SOCS6: variants seen among roughly 807,000 people sequenced by gnomAD.
SOCS6 encodes STAT induced STAT inhibitor-4.
SOCS6 carries 5 observed loss-of-function variants against 27.7 expected under a neutral mutation model. The ratio of observed to expected loss-of-function variants is 0.18; its 90% confidence interval spans 0.09 to 0.38. The LOEUF is 0.38. SOCS6 is among the 10% of genes least tolerant of loss of function. The pLI is 1.00. For missense variants in SOCS6, 595 were observed against 688.1 expected, an observed-to-expected ratio of 0.86 and a Z score of 1.51; for synonymous variants, 271 against 260.0, an observed-to-expected ratio of 1.04 and a Z score of -0.41.
chr18:70,320,208 C>T (rs757815846), intron 1 of SOCS6, among the ~76,000 whole-genome samples: 10 of 152,048 alleles, frequency 6.6e-5, no homozygotes, highest in African/African-American at 1.2e-4. Context: ...AGGCTGGTCT[C>T]GAACTCCTGG....
At chr18:70,318,952 GAA>G (rs1235370532) in intron 1 of SOCS6, among the ~76,000 whole-genome samples, 1 of 151,370 alleles carries the variant, frequency 6.6e-6, no homozygotes, top group Non-Finnish European at 1.5e-5. Flanking sequence ...AAAAAGAAAA[GAA>G]AAGAAAAAAG....
In SOCS6 at chr18:70,325,113, A is replaced by G. The variant is rs1338548221; in HGVS notation, c.445A>G (p.Ile149Val). The G allele has an allele frequency of 6.2e-7, 1 of 1,614,124 alleles. No homozygotes were observed. Among genetic ancestry groups the G allele is most frequent in the East Asian group, 2.2e-5 (1 of 44,880 alleles). ...GCCCACAAACTCCGAGGAGACCTGC[A>G]TCAAGATGGAGGTGAGAGTCAAGGC... ...LRPTNSEETC[I>V]KMEVRVKALV... The change falls in exon 2 of 2, where the codon ATC becomes GTC. Residue 149 changes from isoleucine (I) to valine (V), a missense_variant. Ile to Val is a conservative substitution (Grantham distance 29). Transcript: ENST00000397942. The surrounding 1 kb of genome is among the most constrained non-coding windows in gnomAD (Gnocchi z 6.3).
chr18:70,320,126 T>C (rs1311442419), intron 1 of SOCS6, among the ~76,000 whole-genome samples: 1 of 151,922 alleles, frequency 6.6e-6, no homozygotes, highest in Non-Finnish European at 1.5e-5. Flanking sequence ...GTAGCTGGGA[T>C]TATAGGTGTG....
At chr18:70,317,045 AT>A (rs1166104200) in intron 1 of SOCS6, among the ~76,000 whole-genome samples, 6 of 152,134 alleles carry the variant, frequency 3.9e-5, no homozygotes, top group African/African-American at 1.2e-4. Flanking sequence ...GAATTTACTT[AT>A]TTTTTATAAT....
intron 1 of SOCS6, among the ~76,000 whole-genome samples, chr18:70,305,114 G>A (rs1373645901): frequency 1.4e-5 from 1 of 70,784 alleles, no homozygotes; most frequent in Non-Finnish European, 2.7e-5. Flanking sequence ...GGCCGACGCA[G>A]GAGAATTGTT....
intron 1 of SOCS6, among the ~76,000 whole-genome samples, chr18:70,295,408 A>G (rs1432569269): frequency 6.6e-6 from 1 of 152,318 alleles, no homozygotes; most frequent in East Asian, 1.9e-4. Flanking sequence ...CTGGGTTAGC[A>G]TGCTTTGAAA....
chr18:70,317,365 G>A (rs1459927280), intron 1 of SOCS6, among the ~76,000 whole-genome samples: 1 of 152,040 alleles, frequency 6.6e-6, no homozygotes, highest in Non-Finnish European at 1.5e-5. Context: ...CTTCCATTCA[G>A]GTTGTTGTGA....
rs371416171 is a variant in SOCS6, at chr18:70,324,891, G to T, written c.223G>T (p.Gly75Cys). Reference sequence around the variant, plus strand: ...CAGATCAAAAAGCGAGAGCCTGATGGGTACGCTAAAAAGGCGGCTTTCTGC... The same window carrying T: ...CAGATCAAAAAGCGAGAGCCTGATGTGTACGCTAAAAAGGCGGCTTTCTGC... ...KNRSKSESLM[G>C]TLKRRLSAKQ... The change falls in exon 2 of 2, where the codon GGT becomes TGT. Residue 75 changes from glycine to cysteine, a missense_variant. Around this residue, in one of 2 missense-constraint regions of SOCS6, gnomAD observed 467 missense variants for 481.1 expected, o/e 0.97. Transcript: ENST00000397942. 10 of 1,614,056 alleles carry T rather than the reference G, an allele frequency of 6.2e-6. No individual in the cohort carries two copies. The highest frequency in any genetic ancestry group is 8.5e-6 in the Non-Finnish European group (10 of 1,180,044).
intron 1 of SOCS6, among the ~76,000 whole-genome samples, chr18:70,309,712 C>G (rs1425471488): frequency 6.6e-6 from 1 of 152,182 alleles, no homozygotes; most frequent in Non-Finnish European, 1.5e-5. Flanking sequence ...AGACAAGAGT[C>G]TTGCTCTGTT....
At position 70,328,455 on chromosome 18, in the gene SOCS6, A is replaced by G. The variant is rs149452407; in HGVS notation, c.*2179A>G. On this transcript the variant is annotated 3_prime_UTR_variant, in exon 2 of 2. Coordinates refer to ENST00000397942, the MANE Select transcript of SOCS6 (RefSeq NM_004232.4). The stretch of plus-strand genomic sequence containing the variant: ...ATTCCCTTCGTTTTCTCATCATGCC[A>G]TGTGTTTAAGATCTACCCGCTTAGT... The G allele has an allele frequency of 6.0e-6, 1 of 166,602 alleles. No individual in the cohort carries two copies. The highest frequency in any genetic ancestry group is 1.9e-4 in the East Asian group (1 of 5,164). The allele number at this position is 166,602 out of a possible 1,614,324, so 10.3% of individuals were successfully genotyped here.
At chr18:70,318,447 T>C (rs1438458314) in intron 1 of SOCS6, among the ~76,000 whole-genome samples, 1 of 152,106 alleles carries the variant, frequency 6.6e-6, no homozygotes, top group Non-Finnish European at 1.5e-5. Flanking sequence ...ATTCCTGATC[T>C]CAAGTAGAAC....
chr18:70,297,290 C>T (rs899123080), intron 1 of SOCS6, among the ~76,000 whole-genome samples: 6 of 151,742 alleles, frequency 4.0e-5, no homozygotes, highest in African/African-American at 9.7e-5. Flanking sequence ...TGATTTTCTT[C>T]GTTCCTGTGT....
intron 1 of SOCS6, among the ~76,000 whole-genome samples, chr18:70,311,561 A>G (rs1377971933): frequency 6.6e-6 from 1 of 152,174 alleles, no homozygotes; most frequent in African/African-American, 2.4e-5. Context: ...GTAATGTAAA[A>G]TCGGCTCGAT....
At chr18:70,323,519 AAT>A (rs1335597223) in intron 1 of SOCS6, among the ~76,000 whole-genome samples, 1 of 152,192 alleles carries the variant, frequency 6.6e-6, no homozygotes, top group African/African-American at 2.4e-5. Context: ...TAATTCTGGA[AAT>A]ATGTTTCATA....
At chr18:70,319,939 G>T (rs72967528) in intron 1 of SOCS6, among the ~76,000 whole-genome samples, 8,093 of 151,898 alleles carry the variant, frequency 0.053, 239 homozygotes, top group Middle Eastern at 0.11. Flanking sequence ...ATCAACATGA[G>T]TCTGTCACTT....
At chr18:70,308,502 G>A (rs781002181) in intron 1 of SOCS6, among the ~76,000 whole-genome samples, 56 of 152,258 alleles carry the variant, frequency 3.7e-4, no homozygotes, top group Non-Finnish European at 6.9e-4. Flanking sequence ...GATTACAGGT[G>A]TGAGTCACCA....
chr18:70,315,447 G>A (rs192723155), intron 1 of SOCS6, among the ~76,000 whole-genome samples: 48 of 152,194 alleles, frequency 3.2e-4, no homozygotes, highest in African/African-American at 1.1e-3. Flanking sequence ...TTTCATCTGA[G>A]TTTCAAATTA....
intron 1 of SOCS6, among the ~76,000 whole-genome samples, chr18:70,316,223 T>A (rs2062410813): frequency 6.6e-6 from 1 of 152,212 alleles, no homozygotes; most frequent in Non-Finnish European, 1.5e-5. Context: ...TTGAGTCATT[T>A]AAAGATGTTT....
At chr18:70,311,124 A>G (rs140920570) in intron 1 of SOCS6, among the ~76,000 whole-genome samples, 2 of 152,236 alleles carry the variant, frequency 1.3e-5, no homozygotes, top group African/African-American at 4.8e-5. Context: ...CTGAGTGCTG[A>G]TGGCATTCTG....
Sources: gnomAD v4.1 joint callset for allele counts (sites outside exome capture counted in the v4.1 genomes callset) on GRCh38, gnomAD v4.1.1 for gene constraint, gnomAD v4.1.1 regional missense constraint, Gnocchi (gnomAD v3.1) non-coding constraint, MANE v1.5 for transcripts, NCBI Gene and HGNC (gene_info 2026-07-23, HGNC 2026-07-21) for gene names.